Variants in FSHR observed in about 807,000 individuals in gnomAD.
FSHR encodes follicle stimulating hormone receptor.
A neutral mutation model predicts 52.1 loss-of-function variants in FSHR; 46 were observed. The observed-to-expected ratio is 0.88, with a 90% CI of 0.70 to 1.13. The LOEUF is 1.13. Among genes scored for constraint, FSHR ranks in the 50% most tolerant of loss-of-function variants. The pLI is 0.00. For missense variants in FSHR, 964 were observed against 834.6 expected, an observed-to-expected ratio of 1.16 and a Z score of -1.91; for synonymous variants, 399 against 309.6, an observed-to-expected ratio of 1.29 and a Z score of -3.03.
chr2:49,098,921 A>G (rs769735321), intron 1 of FSHR, among the ~76,000 whole-genome samples: 1 of 144,070 alleles, frequency 6.9e-6, no homozygotes, highest in Non-Finnish European at 1.5e-5. Flanking sequence ...GTATACATAT[A>G]TATCTGCAAC....
intron 4 of FSHR, among the ~76,000 whole-genome samples, chr2:48,991,551 C>G (rs1675780896): frequency 6.6e-6 from 1 of 152,038 alleles, no homozygotes; most frequent in African/African-American, 2.4e-5. Flanking sequence ...TTGTGAGCAC[C>G]CAGTGAGTTC....
intron 4 of FSHR, among the ~76,000 whole-genome samples, chr2:48,994,231 C>T (rs1573063427): frequency 6.6e-6 from 1 of 152,276 alleles, no homozygotes; most frequent in Non-Finnish European, 1.5e-5. Flanking sequence ...TGGGTAGCAA[C>T]TTCCCCATCT....
intron 1 of FSHR, among the ~76,000 whole-genome samples, chr2:49,082,635 C>T (rs1171182423): frequency 6.6e-6 from 1 of 151,884 alleles, no homozygotes; most frequent in African/African-American, 2.4e-5. Context: ...ATAACCAATA[C>T]AGAGAAGTGC....
chr2:49,092,758 C>T (rs1334670807), intron 1 of FSHR, among the ~76,000 whole-genome samples: 4 of 152,228 alleles, frequency 2.6e-5, no homozygotes, highest in Non-Finnish European at 5.9e-5. Context: ...CTTCACCTCC[C>T]GGGTTCAAGT....
chr2:49,083,317 G>C (rs1260548116), intron 1 of FSHR, among the ~76,000 whole-genome samples: 1 of 149,250 alleles, frequency 6.7e-6, no homozygotes, highest in African/African-American at 2.5e-5. Flanking sequence ...TCACCACCAG[G>C]CCTGCCCTAA....
At chr2:49,091,884 T>C (rs1038785777) in intron 1 of FSHR, among the ~76,000 whole-genome samples, 6 of 152,184 alleles carry the variant, frequency 3.9e-5, no homozygotes, top group African/African-American at 1.2e-4. Flanking sequence ...TCATATAAAT[T>C]TTAGAATCAG....
intron 1 of FSHR, among the ~76,000 whole-genome samples, chr2:49,082,775 C>T (rs1234333316): frequency 6.6e-5 from 10 of 152,038 alleles, no homozygotes; most frequent in African/African-American, 1.2e-4. Context: ...TGAAATGAAG[C>T]GAGGAGGGAA....
intron 1 of FSHR, among the ~76,000 whole-genome samples, chr2:49,077,739 G>C (rs1328011442): frequency 1.3e-5 from 2 of 152,132 alleles, no homozygotes; most frequent in Non-Finnish European, 2.9e-5. Flanking sequence ...TCTTCCACCA[G>C]ATACCCTACA....
intron 1 of FSHR, among the ~76,000 whole-genome samples, chr2:49,077,669 A>G (rs1422790658): frequency 6.6e-6 from 1 of 152,184 alleles, no homozygotes; most frequent in Non-Finnish European, 1.5e-5. Flanking sequence ...TTATTTTATA[A>G]AACTGAATGT....
intron 1 of FSHR, among the ~76,000 whole-genome samples, chr2:49,152,783 T>C (rs902764725): frequency 6.6e-6 from 1 of 152,192 alleles, no homozygotes; most frequent in African/African-American, 2.4e-5. Context: ...TTCACAACAA[T>C]TCAACCAAGC....
intron 2 of FSHR, among the ~76,000 whole-genome samples, chr2:49,048,914 T>G (rs902224033): frequency 1.3e-5 from 2 of 152,140 alleles, no homozygotes; most frequent in Non-Finnish European, 2.9e-5. Flanking sequence ...ATTTGAATCT[T>G]TTACTGTTTA....
chr2:49,050,094 A>G (rs916844206), intron 2 of FSHR, among the ~76,000 whole-genome samples: 1 of 152,134 alleles, frequency 6.6e-6, no homozygotes, highest in Non-Finnish European at 1.5e-5. Context: ...TAACAAAAAT[A>G]GTTATTTTCA....
At chr2:49,095,781 A>G (rs1670804000) in intron 1 of FSHR, among the ~76,000 whole-genome samples, 1 of 152,206 alleles carries the variant, frequency 6.6e-6, no homozygotes, top group Non-Finnish European at 1.5e-5. Flanking sequence ...ACAAAGGGAC[A>G]ACCCAGTTTT....
At chr2:48,975,582 G>C (rs1167684748) in intron 8 of FSHR, among the ~76,000 whole-genome samples, 1 of 152,168 alleles carries the variant, frequency 6.6e-6, no homozygotes. Flanking sequence ...CCAGCTTGCA[G>C]ATAGCCTATC....
intron 8 of FSHR, among the ~76,000 whole-genome samples, chr2:48,981,674 C>A (rs992100904): frequency 1.3e-5 from 2 of 152,166 alleles, no homozygotes; most frequent in East Asian, 1.9e-4. Flanking sequence ...ATATAGATCA[C>A]AACACACCCT....
chr2:49,091,275 A>G (rs893582939), intron 1 of FSHR, among the ~76,000 whole-genome samples: 2 of 151,608 alleles, frequency 1.3e-5, no homozygotes, highest in Non-Finnish European at 2.9e-5. Context: ...AATTTGGGAG[A>G]ATTTTTGTGT....
intron 1 of FSHR, among the ~76,000 whole-genome samples, chr2:49,114,943 C>T (rs981351383): frequency 2.6e-5 from 4 of 151,594 alleles, no homozygotes; most frequent in African/African-American, 7.3e-5. Context: ...CAATCATTGC[C>T]CAGTGCTAAA....
chr2:49,007,272 C>A (rs1424047891), intron 4 of FSHR, among the ~76,000 whole-genome samples: 1 of 151,602 alleles, frequency 6.6e-6, no homozygotes, highest in African/African-American at 2.4e-5. Flanking sequence ...TCAGAAGAGC[C>A]CTATAACCAA....
Position 49,114,052 on chromosome 2 carries a change from G to A in FSHR, c.152+40214C>T, listed in dbSNP as rs535807069. ...GCAAAGCATGCTCCTTCTCCACCTGGCAGGATGGTTATACTCCCAGCCTCT... is the reference window on the plus strand; with the variant it reads ...GCAAAGCATGCTCCTTCTCCACCTGACAGGATGGTTATACTCCCAGCCTCT... On this transcript the variant is annotated intron_variant, in intron 1 of 9. Transcript: ENST00000406846. Among the ~76,000 whole-genome samples, 245 of 152,196 alleles carry A rather than the reference G, an allele frequency of 1.6e-3. 2 individuals are homozygous for A. Among genetic ancestry groups the A allele is most frequent in the Middle Eastern group, 6.8e-3 (2 of 294 alleles).
Sources: allele counts gnomAD v4.1 joint callset (sites outside exome capture counted in the v4.1 genomes callset), GRCh38; gene constraint gnomAD v4.1.1; transcripts MANE v1.5; gene names NCBI Gene and HGNC (gene_info 2026-07-23, HGNC 2026-07-21).